Variants in GNPAT observed in about 807,000 individuals in gnomAD.
GNPAT encodes the protein glyceronephosphate O-acyltransferase.
In GNPAT, 30 loss-of-function variants were observed where a neutral mutation model predicts 78.4. That is an observed-to-expected ratio of 0.38 (90% CI 0.29 to 0.52). GNPAT has a LOEUF of 0.52. GNPAT is among the 20% of genes least tolerant of loss of function. The pLI, the probability that GNPAT is intolerant of heterozygous loss-of-function variation, is 0.84. For synonymous variants in GNPAT, 271 were observed against 281.1 expected (o/e 0.96, Z 0.36); for missense variants, 714 against 812.2 (o/e 0.88, Z 1.47).
chr1:231,263,241 C>T (rs1430381836), intron 4 of GNPAT, among the ~76,000 whole-genome samples: 1 of 152,166 alleles, frequency 6.6e-6, no homozygotes, highest in Non-Finnish European at 1.5e-5. Context: ...TCTAAGTCAT[C>T]TTCAAAAATA....
At chr1:231,250,055 G>C (rs1316072607) in intron 1 of GNPAT, among the ~76,000 whole-genome samples, 2 of 150,764 alleles carry the variant, frequency 1.3e-5, no homozygotes, top group Admixed American at 1.3e-4. Context: ...AGACCAGCCT[G>C]GGCAACAGAG....
chr1:231,249,417 A>G (rs1684832673), intron 1 of GNPAT, among the ~76,000 whole-genome samples: 1 of 152,200 alleles, frequency 6.6e-6, no homozygotes, highest in Admixed American at 6.5e-5. Flanking sequence ...GTCTCAGTTA[A>G]CATTCTGTAT....
intron 1 of GNPAT, among the ~76,000 whole-genome samples, chr1:231,245,591 T>C (rs564908010): frequency 5.3e-4 from 81 of 152,322 alleles, no homozygotes; most frequent in African/African-American, 1.9e-3. Flanking sequence ...AGTGGTGTGC[T>C]ACAGCAGTCT....
At chr1:231,256,286 C>G (rs1028505280) in intron 2 of GNPAT, among the ~76,000 whole-genome samples, 1 of 151,844 alleles carries the variant, frequency 6.6e-6, no homozygotes, top group Non-Finnish European at 1.5e-5. Context: ...AAGTCAAACT[C>G]TTTACCCCTC....
chr1:231,246,300 A>T (rs1462013547), intron 1 of GNPAT, among the ~76,000 whole-genome samples: 1 of 152,256 alleles, frequency 6.6e-6, no homozygotes, highest in African/African-American at 2.4e-5. Context: ...ATTGACCAAC[A>T]TACTACTGGT....
intron 9 of GNPAT, among the ~76,000 whole-genome samples, chr1:231,269,557 A>G (rs576575419): frequency 6.6e-6 from 1 of 152,250 alleles, no homozygotes; most frequent in South Asian, 2.1e-4. Context: ...TTACTGACAA[A>G]AATGCCAGTC....
intron 2 of GNPAT, among the ~76,000 whole-genome samples, chr1:231,259,984 A>C (rs534961710): frequency 6.6e-6 from 1 of 152,254 alleles, no homozygotes; most frequent in African/African-American, 2.4e-5. Context: ...GGCCATGTGA[A>C]TAAAATAAGT....
At chr1:231,275,110 T>C (rs1203157967) in intron 12 of GNPAT, 111 bp from the exon 13 acceptor site, 1 of 744,758 alleles carries the variant, frequency 1.3e-6, no homozygotes, top group African/African-American at 1.7e-5. Flanking sequence ...TGCTGCTCTC[T>C]TGTGATATAT....
At chr1:231,254,261 A>G (rs2102805651) in intron 2 of GNPAT, among the ~76,000 whole-genome samples, 1 of 152,342 alleles carries the variant, frequency 6.6e-6, no homozygotes, top group East Asian at 1.9e-4. Flanking sequence ...TTGGAATCGT[A>G]CAAATTCATA....
At chr1:231,257,223 G>C (rs1369440918) in intron 2 of GNPAT, among the ~76,000 whole-genome samples, 1 of 152,160 alleles carries the variant, frequency 6.6e-6, no homozygotes, top group East Asian at 1.9e-4. Flanking sequence ...TTTCCTACCT[G>C]TCAGCCCTTT....
At chr1:231,268,389 A>G (rs1185592650) in intron 9 of GNPAT, among the ~76,000 whole-genome samples, 1 of 152,192 alleles carries the variant, frequency 6.6e-6, no homozygotes, top group East Asian at 1.9e-4. Context: ...ATTTGAGAAT[A>G]ATTGTTTACA....
intron 1 of GNPAT, among the ~76,000 whole-genome samples, chr1:231,245,356 C>G (rs899167131): frequency 1.3e-5 from 2 of 152,082 alleles, no homozygotes; most frequent in Non-Finnish European, 2.9e-5. Flanking sequence ...GTGATCCTCC[C>G]TCCTCAGCCT....
chr1:231,263,949 T>G (rs1204331136), intron 4 of GNPAT, among the ~76,000 whole-genome samples: 1 of 152,196 alleles, frequency 6.6e-6, no homozygotes, highest in Non-Finnish European at 1.5e-5. Flanking sequence ...GGGCTTTTTT[T>G]GTTGAGTTGT....
intron 1 of GNPAT, among the ~76,000 whole-genome samples, chr1:231,247,695 CCA>C (rs923677117): frequency 6.6e-6 from 1 of 152,174 alleles, no homozygotes; most frequent in Non-Finnish European, 1.5e-5. Context: ...TCAGCACATA[CCA>C]CAGTGTCAAG....
chr1:231,251,062 T>A lies in GNPAT; in HGVS notation c.180T>A (p.Tyr60Ter), dbSNP rs775397251. The A allele has an allele frequency of 6.3e-7, 1 of 1,592,850 alleles. No homozygotes were observed. Among genetic ancestry groups the A allele is most frequent in the Non-Finnish European group, 8.6e-7 (1 of 1,160,748 alleles). The change falls in exon 2 of 16, where the codon TAT becomes TAA. Residue 60 changes from tyrosine to a stop codon, truncating the protein, a stop_gained. Coordinates refer to ENST00000366647, the MANE Select transcript of GNPAT (RefSeq NM_014236.4). LOFTEE classifies it high-confidence loss of function. ...TGAAATGCTACACACCTCTTGTCTATAAGGGAATTACTCCATGTAAACCAA... is the reference window on the plus strand; with the variant it reads ...TGAAATGCTACACACCTCTTGTCTAAAAGGGAATTACTCCATGTAAACCAA... ...FAMKCYTPLV[Y>*]KGITPCKPID... is the part of the protein sequence containing the mutation.
chr1:231,274,812 T>G (rs1558339953), intron 12 of GNPAT: 2 of 257,938 alleles, frequency 7.8e-6, no homozygotes, highest in East Asian at 2.1e-4. Flanking sequence ...GTTCTACCCT[T>G]AATCACTGTT....
intron 1 of GNPAT, among the ~76,000 whole-genome samples, chr1:231,245,388 C>T (rs565719258): frequency 1.1e-4 from 16 of 152,046 alleles, no homozygotes; most frequent in East Asian, 3.9e-4. Context: ...GGACTGTAGG[C>T]GCATACCACC....
intron 1 of GNPAT, among the ~76,000 whole-genome samples, chr1:231,248,044 A>T (rs1047251674): frequency 1.3e-5 from 2 of 152,086 alleles, no homozygotes; most frequent in African/African-American, 2.4e-5. Context: ...GCTCCCATAC[A>T]TGTCTGTGTT....
In GNPAT at chr1:231,253,937, C is replaced by T. The variant is rs573209317; in HGVS notation, c.261+2794C>T. ...GGATAGGACCCAGGCATCTCTCTCC[C>T]GAGTAGCTGGGATTACAGGCGCCTG... On this transcript the variant is annotated intron_variant, in intron 2 of 15. Coordinates refer to ENST00000366647, the MANE Select transcript of GNPAT (RefSeq NM_014236.4). Among the ~76,000 whole-genome samples, 75 of 152,278 alleles carry T rather than the reference C, an allele frequency of 4.9e-4. 1 individual carries two copies. In the East Asian group the frequency reaches 0.012, roughly 25 times the overall value.
Sources: gnomAD v4.1 joint callset for allele counts (sites outside exome capture counted in the v4.1 genomes callset) on GRCh38, gnomAD v4.1.1 for gene constraint, MANE v1.5 for transcripts, NCBI Gene and HGNC (gene_info 2026-07-23, HGNC 2026-07-21) for gene names.